Variants in TTC27 observed in about 807,000 individuals in gnomAD.
The protein encoded by TTC27 is tetratricopeptide repeat domain 27, also known as tetratricopeptide repeat protein 27.
TTC27 carries 79 observed loss-of-function variants against 115.9 expected under a neutral mutation model. That is an observed-to-expected ratio of 0.68 (90% CI 0.57 to 0.82). The LOEUF (loss-of-function observed/expected upper bound fraction) is 0.82. Among genes scored for constraint, TTC27 ranks in the 40% least tolerant of loss-of-function variants. The probability of loss-of-function intolerance (pLI) is 0.00; values close to 1 mark genes in which losing one functional copy is unlikely to be tolerated. For synonymous variants in TTC27, 401 were observed against 356.0 expected (o/e 1.13, Z -1.42); for missense variants, 1,054 against 993.1 (o/e 1.06, Z -0.82).
intron 10 of TTC27, among the ~76,000 whole-genome samples, chr2:32,733,561 G>A (rs1308629535): frequency 6.6e-6 from 1 of 152,124 alleles, no homozygotes; most frequent in Non-Finnish European, 1.5e-5. Flanking sequence ...TTATCAATAA[G>A]GCTAGCTCTT....
chr2:32,803,749 C>T (rs1246678034), intron 16 of TTC27, among the ~76,000 whole-genome samples: 1 of 152,030 alleles, frequency 6.6e-6, no homozygotes, highest in Non-Finnish European at 1.5e-5. Context: ...GTGGCTCATG[C>T]CTGTAATCCC....
At chr2:32,788,077 A>G (rs1289695678) in intron 16 of TTC27, among the ~76,000 whole-genome samples, 2 of 152,170 alleles carry the variant, frequency 1.3e-5, no homozygotes, top group Non-Finnish European at 2.9e-5. Context: ...AATAGTGCAT[A>G]TCTCTTGTTT....
At chr2:32,780,005 T>C in intron 14 of TTC27, 1 of 415,566 alleles carries the variant, frequency 2.4e-6, no homozygotes, top group Non-Finnish European at 5.2e-6. Flanking sequence ...GTATTTATGG[T>C]CCATCAATCA....
intron 10 of TTC27, among the ~76,000 whole-genome samples, chr2:32,714,355 T>G (rs1014228076): frequency 6.6e-6 from 1 of 152,098 alleles, no homozygotes; most frequent in Non-Finnish European, 1.5e-5. Flanking sequence ...AGGCAGGGTT[T>G]CACCATGTTA....
At chr2:32,679,006 T>G (rs1307924616) in intron 9 of TTC27, 84 bp downstream of exon 9, 1 of 1,191,620 alleles carries the variant, frequency 8.4e-7, no homozygotes, top group African/African-American at 1.5e-5. Flanking sequence ...GGATTGTTTA[T>G]GTTGAAACAC....
At chr2:32,813,017 CAT>C (rs987731315) in intron 18 of TTC27, among the ~76,000 whole-genome samples, 4 of 151,994 alleles carry the variant, frequency 2.6e-5, no homozygotes, top group African/African-American at 7.3e-5. Context: ...AGAGCTGTAG[CAT>C]ATACAAAAGA....
chr2:32,651,640 C>T (rs185676551), intron 5 of TTC27, among the ~76,000 whole-genome samples: 28 of 152,178 alleles, frequency 1.8e-4, no homozygotes, highest in Admixed American at 5.2e-4. Flanking sequence ...CCACTGCGCC[C>T]GGCGTCCTTC....
chr2:32,793,483 A>G (rs1175161595), intron 16 of TTC27, among the ~76,000 whole-genome samples: 2 of 152,192 alleles, frequency 1.3e-5, no homozygotes, highest in African/African-American at 2.4e-5. Flanking sequence ...AAAGATAAAT[A>G]TAAGAACAAT....
At chr2:32,789,821 G>A (rs1408806996) in intron 16 of TTC27, among the ~76,000 whole-genome samples, 1 of 150,434 alleles carries the variant, frequency 6.6e-6, no homozygotes, top group East Asian at 2.0e-4. Flanking sequence ...TCGGGAGGCT[G>A]AGGTGGGAGG....
intron 10 of TTC27, among the ~76,000 whole-genome samples, chr2:32,728,496 A>C (rs1465079163): frequency 6.6e-6 from 1 of 152,192 alleles, no homozygotes; most frequent in Non-Finnish European, 1.5e-5. Context: ...CTCCTTGATC[A>C]GGCCACACCC....
intron 9 of TTC27, among the ~76,000 whole-genome samples, chr2:32,699,490 GTGTTC>G (rs1351223913): frequency 6.6e-6 from 1 of 152,194 alleles, no homozygotes; most frequent in Non-Finnish European, 1.5e-5. Flanking sequence ...GGTTAGATTG[GTGTTC>G]TCTCCATTGC....
chr2:32,745,245 C>CTAG (rs1262598219), intron 12 of TTC27, among the ~76,000 whole-genome samples: 3 of 152,102 alleles, frequency 2.0e-5, no homozygotes, highest in African/African-American at 7.2e-5. Flanking sequence ...ACTGAAAATT[C>CTAG]TAGTAGACTT....
At chr2:32,819,490 A>G (rs1453415624) in intron 19 of TTC27, among the ~76,000 whole-genome samples, 1 of 152,242 alleles carries the variant, frequency 6.6e-6, no homozygotes, top group African/African-American at 2.4e-5. Flanking sequence ...TCACTTTTTT[A>G]GAATACTTTA....
intron 10 of TTC27, among the ~76,000 whole-genome samples, chr2:32,719,064 A>G (rs1667840707): frequency 6.6e-6 from 1 of 152,186 alleles, no homozygotes; most frequent in Non-Finnish European, 1.5e-5. Flanking sequence ...GTGAAGAACC[A>G]CAAACAGAGG....
intron 14 of TTC27, among the ~76,000 whole-genome samples, chr2:32,779,391 G>A (rs1172998211): frequency 2.0e-5 from 3 of 152,212 alleles, no homozygotes; most frequent in African/African-American, 7.2e-5. Context: ...TGTTTTGGAT[G>A]GCTAATGATG....
chr2:32,635,358 A>G (rs1664377337), intron 3 of TTC27: 2 of 154,038 alleles, frequency 1.3e-5, no homozygotes, highest in South Asian at 4.1e-4. Flanking sequence ...CGTGCAGCAA[A>G]ACAGACCTAG....
rs376250657 is a variant in TTC27, at chr2:32,633,820, G to T, written c.267-56G>T. The T allele has an allele frequency of 5.5e-5, 85 of 1,547,664 alleles. 1 individual carries two copies. The highest frequency in any genetic ancestry group is 2.7e-4 in the East Asian group (12 of 44,128). ...AAAACTGAAATGGAATAGTGTGTTTGAGATTATACAGTGATAGTAGTTCAT... is the reference window on the plus strand; with the variant it reads ...AAAACTGAAATGGAATAGTGTGTTTTAGATTATACAGTGATAGTAGTTCAT... On this transcript the variant is annotated intron_variant, in intron 2 of 19. Transcript: ENST00000317907.
chr2:32,677,911 C>A (rs747199929), intron 8 of TTC27, among the ~76,000 whole-genome samples: 1 of 152,022 alleles, frequency 6.6e-6, no homozygotes, highest in Non-Finnish European at 1.5e-5. Context: ...CATAATAATT[C>A]TTTTCATTTT....
chr2:32,797,531 A>C (rs1670750442), intron 16 of TTC27, among the ~76,000 whole-genome samples: 1 of 152,190 alleles, frequency 6.6e-6, no homozygotes, highest in African/African-American at 2.4e-5. Context: ...ATTTCAACAA[A>C]TTGTCCTGGG....
Sources: allele counts gnomAD v4.1 joint callset (sites outside exome capture counted in the v4.1 genomes callset), GRCh38; gene constraint gnomAD v4.1.1; transcripts MANE v1.5; gene names NCBI Gene and HGNC (gene_info 2026-07-23, HGNC 2026-07-21).